The following DCDC1 variants were observed in gnomAD, a reference collection of about 807,000 sequenced individuals.
DCDC1 encodes doublecortin domain containing 1.
In DCDC1, 200 loss-of-function variants were observed where a neutral mutation model predicts 178.3. The observed-to-expected ratio is 1.12, with a 90% CI of 1.00 to 1.26. The LOEUF (loss-of-function observed/expected upper bound fraction) is 1.26, where lower values mean the gene tolerates loss of function less well. Among genes scored for constraint, DCDC1 ranks in the 50% most tolerant of loss-of-function variants. DCDC1 has a pLI of 0.00. For synonymous variants in DCDC1, 690 were observed against 604.8 expected, an observed-to-expected ratio of 1.14 and a Z score of -2.07; for missense variants, 1,983 against 1,749.2, an observed-to-expected ratio of 1.13 and a Z score of -2.38.
intron 34 of DCDC1, among the ~76,000 whole-genome samples, chr11:30,898,066 G>A (rs1027955491): frequency 6.6e-6 from 1 of 152,094 alleles, no homozygotes; most frequent in Admixed American, 6.6e-5. Context: ...TTAAGAAAGC[G>A]CATGGTATGT....
chr11:31,219,930 G>A lies in DCDC1; in HGVS notation c.1221+21520C>T, dbSNP rs1249264377. Among the ~76,000 whole-genome samples, 4 of 152,068 alleles carry A rather than the reference G, an allele frequency of 2.6e-5. No individual in the cohort carries two copies. In the East Asian group the frequency reaches 5.8e-4, roughly 22 times the overall value. Reference sequence around the variant, plus strand: ...TAACTTGCCTAAGACCTCAGAGCTGGTTAAACACGAAAGCCTGGACTTGAC... The same window carrying A: ...TAACTTGCCTAAGACCTCAGAGCTGATTAAACACGAAAGCCTGGACTTGAC... On this transcript the variant is annotated intron_variant, in intron 9 of 38. Coordinates refer to ENST00000684477, the MANE Select transcript of DCDC1 (RefSeq NM_001387274.1).
chr11:31,201,070 A>T (rs1480064801), intron 9 of DCDC1, among the ~76,000 whole-genome samples: 2 of 151,962 alleles, frequency 1.3e-5, no homozygotes, highest in Non-Finnish European at 2.9e-5. Context: ...ACTCCATTAG[A>T]CTTTAAGCTT....
chr11:31,209,000 A>G (rs1972186394), intron 9 of DCDC1, among the ~76,000 whole-genome samples: 1 of 152,166 alleles, frequency 6.6e-6, no homozygotes. Flanking sequence ...GCAATAACTC[A>G]GCCTTGTATG....
chr11:31,196,574 T>C (rs1479088562), intron 9 of DCDC1, among the ~76,000 whole-genome samples: 1 of 152,030 alleles, frequency 6.6e-6, no homozygotes, highest in Non-Finnish European at 1.5e-5. Context: ...ATTACCAGTT[T>C]ATTATAAAGG....
intron 1 of DCDC1, among the ~76,000 whole-genome samples, chr11:31,344,545 T>C (rs568250425): frequency 6.6e-6 from 1 of 152,324 alleles, no homozygotes; most frequent in South Asian, 2.1e-4. Flanking sequence ...TGCTTCAGTT[T>C]CTTCATCTGC....
At chr11:31,313,411 T>C (rs1399441701) in intron 3 of DCDC1, among the ~76,000 whole-genome samples, 1 of 152,190 alleles carries the variant, frequency 6.6e-6, no homozygotes, top group Non-Finnish European at 1.5e-5. Context: ...TGTTCCCATT[T>C]TCATGAATAG....
intron 7 of DCDC1, chr11:31,280,926 C>T (rs532608029): frequency 1.6e-5 from 10 of 638,626 alleles, no homozygotes; most frequent in East Asian, 3.6e-5. Context: ...CCCTTTTCCA[C>T]GGTGTGGCAC....
chr11:31,054,465 T>C (rs1007849331), intron 20 of DCDC1, among the ~76,000 whole-genome samples: 3 of 152,078 alleles, frequency 2.0e-5, no homozygotes, highest in Non-Finnish European at 4.4e-5. Context: ...CCACCATCAT[T>C]CTTCACAGAA....
intron 9 of DCDC1, among the ~76,000 whole-genome samples, chr11:31,202,911 G>GGGAT (rs1213587313): frequency 6.6e-6 from 1 of 152,176 alleles, no homozygotes; most frequent in Non-Finnish European, 1.5e-5. Context: ...GAAAGCTGAG[G>GGGAT]GGATGGATGG....
chr11:31,100,469 A>C (rs1319085684), intron 15 of DCDC1, among the ~76,000 whole-genome samples: 1 of 152,222 alleles, frequency 6.6e-6, no homozygotes, highest in Non-Finnish European at 1.5e-5. Flanking sequence ...GAAGATAATG[A>C]GTCCTGAGAA....
intron 18 of DCDC1, among the ~76,000 whole-genome samples, chr11:31,071,259 A>G (rs1211567593): frequency 1.5e-4 from 23 of 152,202 alleles, no homozygotes. Context: ...AAGACATGCC[A>G]CAATATATTC....
chr11:31,360,226 T>C (rs927919678), intron 1 of DCDC1, among the ~76,000 whole-genome samples: 2 of 152,158 alleles, frequency 1.3e-5, no homozygotes, highest in African/African-American at 4.8e-5. Context: ...ATGCCACAGT[T>C]AGACAGCCCA....
chr11:31,096,792 A>T (rs1958183561), intron 15 of DCDC1, among the ~76,000 whole-genome samples: 1 of 152,228 alleles, frequency 6.6e-6, no homozygotes, highest in African/African-American at 2.4e-5. Context: ...CACTTTTTAA[A>T]TTAATTTGAT....
rs868099560 is a variant in DCDC1 at position 30,888,036 on chromosome 11, A to G, written c.5082+4782T>C. On this transcript the variant is annotated intron_variant, in intron 36 of 38. Coordinates refer to ENST00000684477, the MANE Select transcript of DCDC1 (RefSeq NM_001387274.1). ...AAAGAAAGAAAGAGAGAGAGAGAGA[A>G]AGAAAGAAAGAAAGAAAGAAAGAAA... Among the ~76,000 whole-genome samples the G allele has an allele frequency of 5.3e-4, 36 of 67,884 alleles. 1 individual carries two copies. Among genetic ancestry groups the G allele is most frequent in the Non-Finnish European group, 6.0e-4 (22 of 36,736 alleles). 44.5% of individuals were successfully genotyped at this position (67,884 alleles called of 152,430 possible).
chr11:30,998,359 A>G (rs1009996728), intron 20 of DCDC1, among the ~76,000 whole-genome samples: 1 of 152,182 alleles, frequency 6.6e-6, no homozygotes, highest in Non-Finnish European at 1.5e-5. Context: ...AAGACACAGC[A>G]GGAACCAACA....
chr11:31,001,483 G>T (rs1287781180), intron 20 of DCDC1, among the ~76,000 whole-genome samples: 1 of 152,090 alleles, frequency 6.6e-6, no homozygotes, highest in African/African-American at 2.4e-5. Flanking sequence ...CCTATCCAGG[G>T]CTGCAGTTAA....
Position 31,115,026 on chromosome 11 carries a change from T to A in DCDC1, c.1486-4665A>T, listed in dbSNP as rs115274368. 9.8e-3 allele frequency among the ~76,000 whole-genome samples: 1,492 copies of A among 152,302 alleles called. 28 individuals are homozygous for A. Among genetic ancestry groups the A allele is most frequent in the African/African-American group, 0.034 (1,397 of 41,576 alleles). On this transcript the variant is annotated intron_variant, in intron 11 of 38. Coordinates refer to ENST00000684477, the MANE Select transcript of DCDC1 (RefSeq NM_001387274.1). ...TAGGTAGGTTAATATTTCAGAAACA[T>A]TATGTTTGCATTTATGGATGTAAAT...
intron 20 of DCDC1, among the ~76,000 whole-genome samples, chr11:31,023,096 T>C (rs1952993698): frequency 6.6e-6 from 1 of 151,748 alleles, no homozygotes; most frequent in South Asian, 2.1e-4. Context: ...AACAATAGAG[T>C]TGGTCCCAAG....
intron 9 of DCDC1, among the ~76,000 whole-genome samples, chr11:31,186,828 C>T (rs1969556962): frequency 6.6e-6 from 1 of 152,198 alleles, no homozygotes; most frequent in African/African-American, 2.4e-5. Flanking sequence ...TCTCTGGAAA[C>T]ATCCTTCAAG....
Sources: gnomAD v4.1 joint callset for allele counts (sites outside exome capture counted in the v4.1 genomes callset) on GRCh38, gnomAD v4.1.1 for gene constraint, MANE v1.5 for transcripts, NCBI Gene and HGNC (gene_info 2026-07-23, HGNC 2026-07-21) for gene names.